The following CDH1 variants were observed in gnomAD, a reference collection of about 807,000 sequenced individuals.
CDH1 encodes the protein cadherin-1.
CDH1 carries 35 observed loss-of-function variants against 84.5 expected under a neutral mutation model. The observed-to-expected ratio is 0.41, with a 90% confidence interval of 0.32 to 0.55. CDH1 has a LOEUF of 0.55. CDH1 is among the 20% of genes least tolerant of loss of function. The pLI is 0.19. For synonymous variants in CDH1, 417 were observed against 439.0 expected, an observed-to-expected ratio of 0.95 and a Z score of 0.63; for missense variants, 994 against 1,126.6, an observed-to-expected ratio of 0.88 and a Z score of 1.68.
In CDH1 at chr16:68,785,619, A is replaced by G. The variant is rs539368398; in HGVS notation, c.164-16051A>G. ...CTCCCAAAATGCTGGGATTACAGGG[A>G]TAAACTTATTTCTTATCCCCTTCTT... On this transcript the variant is annotated intron_variant, in intron 2 of 15. Transcript: ENST00000261769. Among the ~76,000 whole-genome samples, 16 of 152,262 alleles carry G rather than the reference A, an allele frequency of 1.1e-4. No homozygotes were observed. In the South Asian group the frequency reaches 2.5e-3, roughly 24 times the overall value.
chr16:68,737,789 G>T (rs887035038), intron 1 of CDH1, among the ~76,000 whole-genome samples: 1 of 152,114 alleles, frequency 6.6e-6, no homozygotes, highest in South Asian at 2.1e-4. Context: ...GTGGAGAAGG[G>T]GTGCCCTGGT....
At position 68,823,566 on chromosome 16, in the gene CDH1, G is replaced by A. The variant is rs149127230; in HGVS notation, c.2104G>A (p.Glu702Lys). 1.2e-4 allele frequency: 199 copies of A among 1,613,814 alleles called. 1 individual carries two copies. The African/African-American group carries it at 1.7e-3, about 14-fold the overall frequency. ...CGTCTGTAGGAAGGCACAGCCTGTCGAAGCAGGATTGCAAATTCCTGCCAT... is the reference window on the plus strand; with the variant it reads ...CGTCTGTAGGAAGGCACAGCCTGTCAAAGCAGGATTGCAAATTCCTGCCAT... ...AGVCRKAQPV[E>K]AGLQIPAILG... is the part of the protein sequence containing the mutation. The change falls in exon 13 of 16, where the codon GAA (glutamate) becomes AAA (lysine). Residue 702 changes from glutamate to lysine, a missense_variant. Physicochemically the swap from Glu to Lys is moderately conservative, Grantham distance 56. This residue lies in a region of CDH1 where 769 missense variants were observed against 881.8 expected (regional missense o/e 0.87). Transcript: ENST00000261769.
intron 2 of CDH1, among the ~76,000 whole-genome samples, chr16:68,770,714 G>A (rs1448858623): frequency 1.3e-5 from 2 of 151,250 alleles, no homozygotes; most frequent in Admixed American, 6.6e-5. Flanking sequence ...AGAGCAGTAG[G>A]AAGAGAATTC....
chr16:68,813,683 C>A, intron 9 of CDH1, 188 bp downstream of exon 9: 2 of 735,438 alleles, frequency 2.7e-6, no homozygotes, highest in South Asian at 1.4e-5. Context: ...AGAAACTGTG[C>A]TGTGTGTGGT....
chr16:68,788,543 TG>T (rs1455533061), intron 2 of CDH1, among the ~76,000 whole-genome samples: 57 of 152,176 alleles, frequency 3.7e-4, no homozygotes, highest in Non-Finnish European at 7.6e-4. Context: ...TTTCACTCGG[TG>T]TAATGCTTTT....
intron 2 of CDH1, among the ~76,000 whole-genome samples, chr16:68,750,969 T>C (rs963961119): frequency 2.6e-5 from 4 of 152,114 alleles, no homozygotes; most frequent in Admixed American, 2.6e-4. Flanking sequence ...CCTCCCAAAG[T>C]GCTGGATTTA....
intron 2 of CDH1, among the ~76,000 whole-genome samples, chr16:68,800,247 A>G (rs1960463880): frequency 6.6e-6 from 1 of 151,670 alleles, no homozygotes; most frequent in Non-Finnish European, 1.5e-5. Flanking sequence ...AGAGCCAACC[A>G]TGAGACTAAC....
intron 2 of CDH1, among the ~76,000 whole-genome samples, chr16:68,743,299 C>A (rs987849801): frequency 1.4e-3 from 16 of 11,714 alleles, no homozygotes; most frequent in Admixed American, 6.6e-3. Flanking sequence ...TTCTTTCTTT[C>A]TTTCTTTCTT....
chr16:68,776,440 T>G (rs969221811), intron 2 of CDH1, among the ~76,000 whole-genome samples: 1 of 152,228 alleles, frequency 6.6e-6, no homozygotes, highest in African/African-American at 2.4e-5. Flanking sequence ...ATATTAGCTA[T>G]GGACAGTACC....
chr16:68,762,123 A>G (rs1959235776), intron 2 of CDH1, among the ~76,000 whole-genome samples: 1 of 152,138 alleles, frequency 6.6e-6, no homozygotes, highest in African/African-American at 2.4e-5. Flanking sequence ...GGGTGGGGCC[A>G]TGGACTCCCA....
Position 68,812,143 on chromosome 16 carries a change from T to C in CDH1, c.1017T>C (p.Pro339=), listed in dbSNP as rs746639322. The change falls in exon 8 of 16, where the codon CCT becomes CCC. Residue 339 remains proline, a synonymous_variant. Transcript: ENST00000261769. ...TGTCGATCTCTCTGCAGAGTTTCCC[T>C]ACGTATACCCTGGTGGTTCAAGCTG... ...VTTGLDRESF[P]TYTLVVQAAD... 1.9e-5 allele frequency: 30 copies of C among 1,613,986 alleles called. No homozygotes were observed. Among genetic ancestry groups the C allele is most frequent in the Non-Finnish European group, 2.5e-5 (29 of 1,180,006 alleles).
At chr16:68,751,493 CTTATTTATTTATTTAT>C (rs55979620) in intron 2 of CDH1, among the ~76,000 whole-genome samples, 1 of 149,118 alleles carries the variant, frequency 6.7e-6, no homozygotes, top group Non-Finnish European at 1.5e-5. Flanking sequence ...TCTTGAACCC[CTTATTTATTTATTTAT>C]TTATTTATTT....
At position 68,819,545 on chromosome 16, in the gene CDH1, G is replaced by A. The variant is rs535005673; in HGVS notation, c.1711+120G>A. The A allele has an allele frequency of 1.1e-4, 121 of 1,119,872 alleles. 1 individual carries two copies. The highest frequency in any genetic ancestry group is 1.6e-4 in the Non-Finnish European group (117 of 753,190). 69.4% of individuals were successfully genotyped at this position (1,119,872 alleles called of 1,614,324 possible). ...TTTCTTTTATCCTTTTTGTTTGCTGGATTGATTTGTATAAATGTATGGAGT... is the reference window on the plus strand; with the variant it reads ...TTTCTTTTATCCTTTTTGTTTGCTGAATTGATTTGTATAAATGTATGGAGT... On this transcript the variant is annotated intron_variant, in intron 11 of 15. Coordinates refer to ENST00000261769, the MANE Select transcript of CDH1 (RefSeq NM_004360.5).
chr16:68,834,317 C>T lies in CDH1; in HGVS notation c.*818C>T, dbSNP rs986846208. The T allele has an allele frequency of 1.4e-5, 7 of 507,924 alleles. No homozygotes were observed. Among genetic ancestry groups the T allele is most frequent in the Non-Finnish European group, 2.7e-5 (7 of 259,090 alleles). The allele number at this position is 507,924 out of a possible 1,614,324, so 31.5% of individuals were successfully genotyped here. ...CGCTCCATCGCCCAGGCCTGGGATG[C>T]AGTGATGTGATCATAGCTCACTGTA... On this transcript the variant is annotated 3_prime_UTR_variant, in exon 16 of 16. Coordinates refer to ENST00000261769, the MANE Select transcript of CDH1 (RefSeq NM_004360.5).
At chr16:68,817,943 A>G (rs895337873) in intron 10 of CDH1, among the ~76,000 whole-genome samples, 2 of 152,084 alleles carry the variant, frequency 1.3e-5, no homozygotes, top group African/African-American at 2.4e-5. Context: ...TTGTTTCCTA[A>G]AATTGAAAAT....
At chr16:68,773,938 A>G (rs1390683714) in intron 2 of CDH1, among the ~76,000 whole-genome samples, 1 of 152,236 alleles carries the variant, frequency 6.6e-6, no homozygotes, top group Non-Finnish European at 1.5e-5. Context: ...TATTTTTAAG[A>G]CAGGGCCACG....
chr16:68,819,239 T>C (rs2152136679), intron 10 of CDH1, 41 bp from the exon 11 acceptor site: 1 of 1,612,988 alleles, frequency 6.2e-7, no homozygotes, highest in Non-Finnish European at 8.5e-7. Context: ...ACATGTTGTT[T>C]GCTGGTCCTA....
intron 2 of CDH1, among the ~76,000 whole-genome samples, chr16:68,788,166 C>T (rs111938157): frequency 1.3e-5 from 2 of 152,220 alleles, no homozygotes; most frequent in African/African-American, 2.4e-5. Flanking sequence ...CTCTTCTCTG[C>T]ACTTTTTCAT....
Position 68,808,424 on chromosome 16 carries a change from G to A in CDH1, c.388G>A (p.Ala130Thr), listed in dbSNP as rs2152129578. The A allele has an allele frequency of 6.2e-7, 1 of 1,614,004 alleles. No individual in the cohort carries two copies. The highest frequency in any genetic ancestry group is 1.3e-5 in the African/African-American group (1 of 74,990). The stretch of plus-strand genomic sequence containing the variant: ...TGTTCCTCATCTTCTTTCCTTTTAG[G>A]CCTCCGTTTCTGGAATCCAAGCAGA... ...GHHHRPPPHQ[A>T]SVSGIQAELL... Residue 130 changes from alanine (A) to threonine (T), a missense_variant and splice_region_variant, in exon 4 of 16, where the codon GCC (alanine) becomes ACC (threonine). By Grantham distance (58) the Ala-to-Thr change is moderately conservative. Transcript: ENST00000261769.
Sources: gnomAD v4.1 joint callset for allele counts (sites outside exome capture counted in the v4.1 genomes callset) on GRCh38, gnomAD v4.1.1 for gene constraint, gnomAD v4.1.1 regional missense constraint, MANE v1.5 for transcripts, NCBI Gene and HGNC (gene_info 2026-07-23, HGNC 2026-07-21) for gene names.